FGF12: variants seen among roughly 807,000 people sequenced by gnomAD.
FGF12 encodes the protein fibroblast growth factor 12.
FGF12 carries 14 observed loss-of-function variants against 23.6 expected under a neutral mutation model. The observed-to-expected ratio is 0.59, with a 90% CI of 0.39 to 0.93. The LOEUF (loss-of-function observed/expected upper bound fraction) is 0.93, where lower values mean the gene tolerates loss of function less well. Ranked by LOEUF, FGF12 falls within the 40% of genes least tolerant of loss-of-function variation. The pLI is 0.00. For missense variants in FGF12, 175 were observed against 217.8 expected, an observed-to-expected ratio of 0.80 and a Z score of 1.24; for synonymous variants, 62 against 77.3, an observed-to-expected ratio of 0.80 and a Z score of 1.04.
intron 2 of FGF12, among the ~76,000 whole-genome samples, chr3:192,523,899 T>C (rs1044442282): frequency 1.3e-5 from 2 of 152,136 alleles, no homozygotes; most frequent in African/African-American, 2.4e-5. Context: ...TAAAACCACA[T>C]AGCAGTATCA....
intron 2 of FGF12, among the ~76,000 whole-genome samples, chr3:192,556,145 A>G (rs1325701257): frequency 6.6e-6 from 1 of 152,148 alleles, no homozygotes; most frequent in Non-Finnish European, 1.5e-5. Flanking sequence ...AACTAATAAA[A>G]TGGCAATCAT....
chr3:192,201,712 A>ATATT (rs1233867575), intron 4 of FGF12, among the ~76,000 whole-genome samples: 1 of 152,216 alleles, frequency 6.6e-6, no homozygotes, highest in Admixed American at 6.5e-5. Context: ...ACTTAAAATC[A>ATATT]TATTTATTTA....
chr3:192,161,030 A>G (rs1255597420), intron 5 of FGF12, among the ~76,000 whole-genome samples: 1 of 152,014 alleles, frequency 6.6e-6, no homozygotes, highest in Non-Finnish European at 1.5e-5. Flanking sequence ...AGAAAAATCA[A>G]TGAAACAGAA....
intron 4 of FGF12, among the ~76,000 whole-genome samples, chr3:192,276,974 A>G (rs1713828850): frequency 6.6e-6 from 1 of 152,230 alleles, no homozygotes; most frequent in African/African-American, 2.4e-5. Flanking sequence ...TCTACAGGAT[A>G]CTGTCCATAC....
intron 4 of FGF12, among the ~76,000 whole-genome samples, chr3:192,272,490 C>A (rs1713510402): frequency 6.6e-6 from 1 of 152,050 alleles, no homozygotes; most frequent in South Asian, 2.1e-4. Context: ...CACAGTTGAA[C>A]CTAATTACCA....
At chr3:192,579,763 T>C (rs1713056737) in intron 2 of FGF12, among the ~76,000 whole-genome samples, 1 of 152,082 alleles carries the variant, frequency 6.6e-6, no homozygotes, top group Admixed American at 6.5e-5. Flanking sequence ...TAGAGACAGT[T>C]TTCTCCATGT....
chr3:192,571,214 A>T (rs1409695404), intron 2 of FGF12, among the ~76,000 whole-genome samples: 1 of 152,248 alleles, frequency 6.6e-6, no homozygotes, highest in African/African-American at 2.4e-5. Flanking sequence ...AAAGGCAACA[A>T]TGACTTCGTG....
intron 2 of FGF12, among the ~76,000 whole-genome samples, chr3:192,487,055 T>C (rs998145051): frequency 5.3e-5 from 8 of 152,108 alleles, no homozygotes; most frequent in African/African-American, 1.9e-4. Flanking sequence ...CCTGCAGTCC[T>C]GCCTAGAACC....
chr3:192,656,850 G>A (rs1716446260), intron 2 of FGF12, among the ~76,000 whole-genome samples: 1 of 152,144 alleles, frequency 6.6e-6, no homozygotes, highest in Admixed American at 6.5e-5. Flanking sequence ...TTCACAGGAA[G>A]CTTGAAATGC....
intron 2 of FGF12, among the ~76,000 whole-genome samples, chr3:192,529,115 G>T (rs1725025509): frequency 6.6e-6 from 1 of 152,138 alleles, no homozygotes; most frequent in Non-Finnish European, 1.5e-5. Flanking sequence ...GCATTGTCAG[G>T]CTGCAAATTT....
intron 2 of FGF12, among the ~76,000 whole-genome samples, chr3:192,435,056 C>T (rs1373583545): frequency 6.6e-6 from 1 of 152,120 alleles, no homozygotes; most frequent in Non-Finnish European, 1.5e-5. Context: ...TGGACAACTC[C>T]AGCTCCTATC....
At chr3:192,436,677 T>A (rs1277506346) in intron 2 of FGF12, among the ~76,000 whole-genome samples, 1 of 152,224 alleles carries the variant, frequency 6.6e-6, no homozygotes, top group African/African-American at 2.4e-5. Context: ...TAACTGCATG[T>A]TCAAGATACT....
At chr3:192,627,859 T>TGTGTGC (rs1055316486) in intron 2 of FGF12, among the ~76,000 whole-genome samples, 1 of 151,950 alleles carries the variant, frequency 6.6e-6, no homozygotes, top group African/African-American at 2.4e-5. Context: ...TGCATGTGTG[T>TGTGTGC]GTGTGTGTGT....
At chr3:192,576,106 G>A (rs1260555156) in intron 2 of FGF12, among the ~76,000 whole-genome samples, 3 of 152,162 alleles carry the variant, frequency 2.0e-5, no homozygotes, top group Admixed American at 6.5e-5. Context: ...CCTTTGGGAG[G>A]TCAGGCAATT....
At chr3:192,585,078 T>G (rs1450017444) in intron 2 of FGF12, among the ~76,000 whole-genome samples, 1 of 152,128 alleles carries the variant, frequency 6.6e-6, no homozygotes, top group Non-Finnish European at 1.5e-5. Flanking sequence ...CAACATCAAG[T>G]GAGAAAAAGT....
intron 2 of FGF12, among the ~76,000 whole-genome samples, chr3:192,568,207 T>G (rs1712434410): frequency 6.6e-6 from 1 of 152,196 alleles, no homozygotes; most frequent in South Asian, 2.1e-4. Flanking sequence ...TGATTTCATC[T>G]GCAGAACTAC....
chr3:192,681,936 T>C (rs752778119), intron 2 of FGF12, among the ~76,000 whole-genome samples: 1 of 152,194 alleles, frequency 6.6e-6, no homozygotes, highest in African/African-American at 2.4e-5. Flanking sequence ...CAATGTTTCA[T>C]AGACATTCCA....
At chr3:192,265,949 T>G (rs1577298838) in intron 4 of FGF12, among the ~76,000 whole-genome samples, 1 of 152,136 alleles carries the variant, frequency 6.6e-6, no homozygotes, top group African/African-American at 2.4e-5. Context: ...CGTTTCCTTC[T>G]ATGCATTGTG....
chr3:192,711,687 C>T (rs1287024445), intron 2 of FGF12, among the ~76,000 whole-genome samples: 1 of 152,130 alleles, frequency 6.6e-6, no homozygotes, highest in Non-Finnish European at 1.5e-5. Context: ...CGTGTCCACT[C>T]AGGGTTAAAT....
Sources: gnomAD v4.1 joint callset for allele counts (sites outside exome capture counted in the v4.1 genomes callset) on GRCh38, gnomAD v4.1.1 for gene constraint, MANE v1.5 for transcripts, NCBI Gene and HGNC (gene_info 2026-07-23, HGNC 2026-07-21) for gene names.